The following MARCHF1 variants were observed in gnomAD, a reference collection of about 807,000 sequenced individuals.
The protein encoded by MARCHF1 is membrane associated ring-CH-type finger 1.
MARCHF1 carries 40 observed loss-of-function variants against 54.2 expected under a neutral mutation model. The observed-to-expected ratio is 0.74, with a 90% confidence interval of 0.57 to 0.96. The LOEUF is 0.96. Ranked by LOEUF, MARCHF1 falls within the 40% of genes least tolerant of loss-of-function variation. The probability of loss-of-function intolerance (pLI) is 0.00; values close to 1 mark genes in which losing one functional copy is unlikely to be tolerated. For missense variants in MARCHF1, 586 were observed against 656.5 expected, an observed-to-expected ratio of 0.89 and a Z score of 1.17; for synonymous variants, 236 against 236.3, an observed-to-expected ratio of 1.00 and a Z score of 0.01.
intron 4 of MARCHF1, among the ~76,000 whole-genome samples, chr4:163,826,351 T>C (rs1180247750): frequency 6.6e-6 from 1 of 152,090 alleles, no homozygotes; most frequent in Non-Finnish European, 1.5e-5. Context: ...CATTTCTTCC[T>C]TTTGGTTTAG....
At chr4:163,995,564 C>T (rs868343722) in intron 2 of MARCHF1, among the ~76,000 whole-genome samples, 1 of 151,978 alleles carries the variant, frequency 6.6e-6, no homozygotes, top group Non-Finnish European at 1.5e-5. Flanking sequence ...TCAGTCAACT[C>T]ATTAGTATGC....
chr4:164,063,189 AATTTAAAGTCACCAGCTGCATT>A lies in MARCHF1; in HGVS notation c.-248+48377_-248+48398del, dbSNP rs1282430485. Reference sequence around the variant, plus strand: ...AGAATGGCAAATAAGCATTGGCTTCAATTTAAAGTCACCAGCTGCATTAGCCCCTAATAACAGAGTCAGACTG... The same window carrying A: ...AGAATGGCAAATAAGCATTGGCTTCAAGCCCCTAATAACAGAGTCAGACTG... On this transcript the variant is annotated intron_variant, in intron 2 of 9. Transcript: ENST00000514618. Among the ~76,000 whole-genome samples the A allele has an allele frequency of 2.0e-5, 3 of 152,226 alleles. No homozygotes were observed. The South Asian group carries it at 6.2e-4, about 32-fold the overall frequency.
chr4:163,567,266 A>G (rs568326453), intron 8 of MARCHF1, among the ~76,000 whole-genome samples: 5 of 151,798 alleles, frequency 3.3e-5, no homozygotes, highest in Non-Finnish European at 7.4e-5. Flanking sequence ...CTTTATGCCA[A>G]TGACATCTAG....
intron 2 of MARCHF1, among the ~76,000 whole-genome samples, chr4:164,021,106 T>C (rs1753653941): frequency 6.9e-6 from 1 of 145,304 alleles, no homozygotes; most frequent in South Asian, 2.2e-4. Context: ...TTCCCTGTAG[T>C]GAACACTGAG....
intron 3 of MARCHF1, among the ~76,000 whole-genome samples, chr4:163,974,789 C>T (rs1482064265): frequency 6.6e-6 from 1 of 152,120 alleles, no homozygotes; most frequent in Non-Finnish European, 1.5e-5. Context: ...GACTGAGTCA[C>T]TGGGTACCCA....
Position 163,854,077 on chromosome 4 carries a change from T to C in MARCHF1, c.55A>G (p.Thr19Ala), listed in dbSNP as rs1345662060. Residue 19 changes from threonine (T) to alanine (A), a missense_variant, in exon 4 of 10, where the codon ACG becomes GCG. By Grantham distance (58) the Thr-to-Ala change is moderately conservative. This residue lies in a region of MARCHF1 where 387 missense variants were observed against 394.6 expected (regional missense o/e 0.98). Coordinates refer to ENST00000514618, the MANE Select transcript of MARCHF1 (RefSeq NM_001394959.1). ...ARNPHRIPNN[T>A]RTPEISGDLA... ...TCCCCTGAGATCTCGGGTGTTCGCG[T>C]GTTGTTTGGAATTCTGTGAGGGTTA... 5 of 1,536,812 alleles carry C rather than the reference T, an allele frequency of 3.3e-6. No individual in the cohort carries two copies. The highest frequency in any genetic ancestry group is 4.4e-6 in the Non-Finnish European group (5 of 1,146,690).
At chr4:164,241,501 G>A (rs1732749671) in intron 1 of MARCHF1, among the ~76,000 whole-genome samples, 1 of 152,096 alleles carries the variant, frequency 6.6e-6, no homozygotes, top group Non-Finnish European at 1.5e-5. Flanking sequence ...ACAATGATAA[G>A]TGTTTGTGGT....
intron 1 of MARCHF1, among the ~76,000 whole-genome samples, chr4:164,312,469 C>A (rs909932054): frequency 6.6e-6 from 1 of 151,376 alleles, no homozygotes; most frequent in African/African-American, 2.4e-5. Context: ...ACTACAGGCG[C>A]CCGCCACTAC....
At chr4:163,825,019 A>G (rs992775113) in intron 4 of MARCHF1, among the ~76,000 whole-genome samples, 2 of 151,790 alleles carry the variant, frequency 1.3e-5, no homozygotes, top group African/African-American at 4.8e-5. Flanking sequence ...GTGGAGAAAT[A>G]GGAACACTTT....
intron 1 of MARCHF1, among the ~76,000 whole-genome samples, chr4:164,217,060 G>A (rs1476597695): frequency 6.6e-6 from 1 of 152,072 alleles, no homozygotes; most frequent in Non-Finnish European, 1.5e-5. Flanking sequence ...AAAACCTATA[G>A]AGCAATCACC....
At chr4:163,931,583 TC>T (rs1397389392) in intron 3 of MARCHF1, among the ~76,000 whole-genome samples, 2 of 152,262 alleles carry the variant, frequency 1.3e-5, no homozygotes, top group African/African-American at 4.8e-5. Context: ...ATCTTGGACT[TC>T]TCAGCTTCCA....
chr4:163,619,049 T>C (rs1483056818), intron 5 of MARCHF1, among the ~76,000 whole-genome samples: 6 of 152,126 alleles, frequency 3.9e-5, no homozygotes, highest in Non-Finnish European at 7.4e-5. Flanking sequence ...CGTCTTGGTA[T>C]GGGATCTACA....
At chr4:164,038,695 C>T (rs532854676) in intron 2 of MARCHF1, among the ~76,000 whole-genome samples, 44 of 152,224 alleles carry the variant, frequency 2.9e-4, no homozygotes, top group Non-Finnish European at 5.7e-4. Flanking sequence ...TGGCAAACTC[C>T]AACTGGCCTC....
intron 2 of MARCHF1, among the ~76,000 whole-genome samples, chr4:163,989,224 T>G (rs1462736761): frequency 6.6e-6 from 1 of 151,866 alleles, no homozygotes; most frequent in Non-Finnish European, 1.5e-5. Flanking sequence ...TCTACAATAA[T>G]CTGCTTAGGT....
At position 163,810,093 on chromosome 4, in the gene MARCHF1, G is replaced by A. The variant is rs550556684; in HGVS notation, c.111+43928C>T. 7.9e-5 allele frequency among the ~76,000 whole-genome samples: 12 copies of A among 151,872 alleles called. No homozygotes were observed. In the East Asian group the frequency reaches 1.9e-3, roughly 24 times the overall value. On this transcript the variant is annotated intron_variant, in intron 4 of 9. Transcript: ENST00000514618. ...TGGGAAAGACCGATGCAAGGTGCCC[G>A]ACAATAAACAAGCCTCTAGGACTAA...
chr4:164,038,423 G>A (rs1206521260), intron 2 of MARCHF1, among the ~76,000 whole-genome samples: 1 of 152,228 alleles, frequency 6.6e-6, no homozygotes, highest in African/African-American at 2.4e-5. Flanking sequence ...AACCCGGGAG[G>A]TGGAGGTTGC....
intron 1 of MARCHF1, among the ~76,000 whole-genome samples, chr4:164,324,030 A>G (rs1391283595): frequency 6.6e-6 from 1 of 151,862 alleles, no homozygotes; most frequent in African/African-American, 2.4e-5. Flanking sequence ...TCAAACAAAA[A>G]TAAAGACTAA....
intron 4 of MARCHF1, among the ~76,000 whole-genome samples, chr4:163,746,535 A>C (rs965265550): frequency 1.3e-5 from 2 of 152,018 alleles, no homozygotes; most frequent in Admixed American, 6.6e-5. Context: ...CAACGAATGG[A>C]TTTCTGGATG....
At chr4:164,357,166 G>C (rs1273490344) in intron 1 of MARCHF1, among the ~76,000 whole-genome samples, 1 of 151,788 alleles carries the variant, frequency 6.6e-6, no homozygotes, top group Non-Finnish European at 1.5e-5. Flanking sequence ...CAACACAAAT[G>C]CATTATCTTA....
Sources: allele counts gnomAD v4.1 joint callset (sites outside exome capture counted in the v4.1 genomes callset), GRCh38; gene constraint gnomAD v4.1.1; regional missense constraint gnomAD v4.1.1; transcripts MANE v1.5; gene names NCBI Gene and HGNC (gene_info 2026-07-23, HGNC 2026-07-21).